CACNA2D4: variants seen among roughly 807,000 people sequenced by gnomAD.
The protein encoded by CACNA2D4 is calcium voltage-gated channel auxiliary subunit alpha2delta 4.
CACNA2D4 carries 157 observed loss-of-function variants against 163.8 expected under a neutral mutation model. The observed-to-expected ratio is 0.96, with a 90% CI of 0.84 to 1.09. The LOEUF is 1.09. Ranked by LOEUF, CACNA2D4 falls within the 50% of genes least tolerant of loss-of-function variation. The pLI, the probability that CACNA2D4 is intolerant of heterozygous loss-of-function variation, is 0.00. For synonymous variants in CACNA2D4, 598 were observed against 586.9 expected (o/e 1.02, Z -0.27); for missense variants, 1,410 against 1,479.9 (o/e 0.95, Z 0.78).
chr12:1,823,428 C>T (rs746647679), intron 26 of CACNA2D4, among the ~76,000 whole-genome samples: 7 of 152,104 alleles, frequency 4.6e-5, no homozygotes, highest in Non-Finnish European at 8.8e-5. Flanking sequence ...GCGGCTGTTC[C>T]GTGCTCTGAG....
intron 26 of CACNA2D4, chr12:1,831,329 G>A (rs369887294): frequency 6.2e-7 from 1 of 1,613,700 alleles, no homozygotes; most frequent in African/African-American, 1.3e-5. Context: ...GCCTGGCCCA[G>A]TTGCCCCCTG....
At position 1,834,909 on chromosome 12, in the gene CACNA2D4, T is replaced by C; in HGVS notation, c.2551+5830A>G. 1 of 1,097,840 alleles carries C rather than the reference T, an allele frequency of 9.1e-7. No homozygotes were observed. The highest frequency in any genetic ancestry group is 1.3e-6 in the Non-Finnish European group (1 of 796,724). 68.0% of individuals were successfully genotyped at this position (1,097,840 alleles called of 1,614,324 possible). On this transcript the variant is annotated intron_variant, in intron 26 of 37. Transcript: ENST00000382722. The surrounding 1 kb of genome is among the most constrained non-coding windows in gnomAD (Gnocchi z 7.6). ...CGAGGCTCCCTGAAAGCCACCGTGC[T>C]GGGGGCTCCTGCTGATGCTCCTGTC...
intron 6 of CACNA2D4, among the ~76,000 whole-genome samples, chr12:1,899,741 A>G (rs1189864542): frequency 6.6e-6 from 1 of 152,166 alleles, no homozygotes; most frequent in African/African-American, 2.4e-5. Flanking sequence ...ACTTCCAAAA[A>G]CCAGAAAAAG....
chr12:1,913,397 G>A (rs571484431), intron 2 of CACNA2D4, among the ~76,000 whole-genome samples: 1 of 152,296 alleles, frequency 6.6e-6, no homozygotes, highest in East Asian at 1.9e-4. Flanking sequence ...GGAGTAGACC[G>A]AGGCTCAGAG....
chr12:1,831,044 C>T (rs767994608), intron 26 of CACNA2D4: 5 of 1,614,128 alleles, frequency 3.1e-6, no homozygotes, highest in African/African-American at 1.3e-5. Context: ...GCCTTGGCCT[C>T]ACCACGGTGC....
At position 1,806,920 on chromosome 12, in the gene CACNA2D4, G is replaced by T. The variant is rs1404277543; in HGVS notation, c.2721+3358C>A. 6.6e-6 allele frequency among the ~76,000 whole-genome samples: 1 copy of T among 152,076 alleles called. No individual in the cohort carries two copies. The highest frequency in any genetic ancestry group is 2.4e-5 in the African/African-American group (1 of 41,424). On this transcript the variant is annotated intron_variant, in intron 29 of 37. Coordinates refer to ENST00000382722, the MANE Select transcript of CACNA2D4 (RefSeq NM_172364.5). This position sits in a 1 kb window ranked among gnomAD's most constrained non-coding sequence, Gnocchi z 4.1. The stretch of plus-strand genomic sequence containing the variant: ...AGGCCAGGCCCTGTGGCCCTCGATG[G>T]CACTTGTGTGTTTGGGGAAGAGGGG...
intron 37 of CACNA2D4, among the ~76,000 whole-genome samples, chr12:1,794,551 T>C (rs1045645225): frequency 6.6e-6 from 1 of 152,124 alleles, no homozygotes; most frequent in Non-Finnish European, 1.5e-5. Context: ...GCTGTAAATC[T>C]AGGGTTCCCA....
At chr12:1,841,424 C>T (rs1865022999) in intron 25 of CACNA2D4, among the ~76,000 whole-genome samples, 1 of 152,246 alleles carries the variant, frequency 6.6e-6, no homozygotes, top group Non-Finnish European at 1.5e-5. Flanking sequence ...TCCTGAAGGC[C>T]ACAGGGCTTG....
At chr12:1,862,561 C>T (rs560851933) in intron 18 of CACNA2D4, among the ~76,000 whole-genome samples, 1 of 152,156 alleles carries the variant, frequency 6.6e-6, no homozygotes, top group Non-Finnish European at 1.5e-5. Context: ...CACAGGCACA[C>T]ACCACCATGC....
chr12:1,917,342 A>G lies in CACNA2D4; in HGVS notation c.227+905T>C, dbSNP rs1328425134. 6.6e-6 allele frequency among the ~76,000 whole-genome samples: 1 copy of G among 152,330 alleles called. No homozygotes were observed. The highest frequency in any genetic ancestry group is 1.9e-4 in the East Asian group (1 of 5,180). On this transcript the variant is annotated intron_variant, in intron 1 of 37. Coordinates refer to ENST00000382722, the MANE Select transcript of CACNA2D4 (RefSeq NM_172364.5). The surrounding 1 kb of genome is among the most constrained non-coding windows in gnomAD (Gnocchi z 4.3). ...GCTCGATGGGAAACGATGCTGCCTA[A>G]TCCACTGGTCAGCAAAGGCTAAGCA...
rs952922402 is a variant in CACNA2D4, at chr12:1,806,726, A to C, written c.2721+3552T>G. Among the ~76,000 whole-genome samples, 4 of 152,160 alleles carry C rather than the reference A, an allele frequency of 2.6e-5. No homozygotes were observed. Among genetic ancestry groups the C allele is most frequent in the African/African-American group, 9.7e-5 (4 of 41,440 alleles). The stretch of plus-strand genomic sequence containing the variant: ...AGTCACCTGGAGGGCCCCTTTGAGC[A>C]GACTGCCAGACCCCAACCCCAGAGT... On this transcript the variant is annotated intron_variant, in intron 29 of 37. Coordinates refer to ENST00000382722, the MANE Select transcript of CACNA2D4 (RefSeq NM_172364.5). The surrounding 1 kb of genome is among the most constrained non-coding windows in gnomAD (Gnocchi z 4.1).
At chr12:1,850,584 A>G in intron 23 of CACNA2D4, among the ~76,000 whole-genome samples, 1 of 152,108 alleles carries the variant, frequency 6.6e-6, no homozygotes, top group East Asian at 1.9e-4. Context: ...TCTGCCATAG[A>G]AACATATTTT....
intron 26 of CACNA2D4, among the ~76,000 whole-genome samples, chr12:1,831,741 C>G (rs549399512): frequency 5.9e-4 from 89 of 151,626 alleles, no homozygotes; most frequent in African/African-American, 2.1e-3. Flanking sequence ...TGGTGCTGCT[C>G]CCTCCACCCC....
At chr12:1,824,767 A>G (rs1864247494) in intron 26 of CACNA2D4, among the ~76,000 whole-genome samples, 1 of 152,162 alleles carries the variant, frequency 6.6e-6, no homozygotes, top group Non-Finnish European at 1.5e-5. Flanking sequence ...GGGGGTGGGA[A>G]GGGTCCTTTG....
At position 1,828,591 on chromosome 12, in the gene CACNA2D4, C is replaced by A. The variant is rs1864469702; in HGVS notation, c.2551+12148G>T. On this transcript the variant is annotated intron_variant, in intron 26 of 37. Transcript: ENST00000382722. This position sits in a 1 kb window ranked among gnomAD's most constrained non-coding sequence, Gnocchi z 4.2. Reference sequence around the variant, plus strand: ...TGCCTGAGCTTGTCGGCCTGTGTCACAGACTGCGGCGAGCCCTTTTGCTCC... The same window carrying A: ...TGCCTGAGCTTGTCGGCCTGTGTCAAAGACTGCGGCGAGCCCTTTTGCTCC... Among the ~76,000 whole-genome samples, 1 of 152,224 alleles carries A rather than the reference C, an allele frequency of 6.6e-6. No homozygotes were observed. Among genetic ancestry groups the A allele is most frequent in the Admixed American group, 6.5e-5 (1 of 15,290 alleles).
chr12:1,885,103 C>T lies in CACNA2D4; in HGVS notation c.1069-27G>A, dbSNP rs1029516208. On this transcript the variant is annotated intron_variant, in intron 9 of 37. Coordinates refer to ENST00000382722, the MANE Select transcript of CACNA2D4 (RefSeq NM_172364.5). ...TGCCATGGGTGAGATATTAGAGAAGCATCAGGGGGTTGAGTGGGCCAGTGG... is the reference window on the plus strand; with the variant it reads ...TGCCATGGGTGAGATATTAGAGAAGTATCAGGGGGTTGAGTGGGCCAGTGG... 5 of 1,595,106 alleles carry T rather than the reference C, an allele frequency of 3.1e-6. No homozygotes were observed. The East Asian group carries it at 6.7e-5, about 21-fold the overall frequency.
intron 2 of CACNA2D4, among the ~76,000 whole-genome samples, chr12:1,914,028 T>C (rs1866898870): frequency 6.6e-6 from 1 of 152,210 alleles, no homozygotes; most frequent in African/African-American, 2.4e-5. Context: ...ATCGCTACAG[T>C]GGCCTGTGGG....
rs77773567 is a variant in CACNA2D4, at chr12:1,819,824, C to T, written c.2552-8101G>A. ...CCAAGCTCGTCCCTGGCACTGAGAA[C>T]GGTCTGCAGGCTGCTGCTGCAGGCT... On this transcript the variant is annotated intron_variant, in intron 26 of 37. Coordinates refer to ENST00000382722, the MANE Select transcript of CACNA2D4 (RefSeq NM_172364.5). 2.1e-3 allele frequency among the ~76,000 whole-genome samples: 324 copies of T among 152,304 alleles called. 1 individual carries two copies. The highest frequency in any genetic ancestry group is 7.4e-3 in the African/African-American group (308 of 41,548).
In CACNA2D4 at chr12:1,828,817, A is replaced by G. The variant is rs1424703478; in HGVS notation, c.2551+11922T>C. Among the ~76,000 whole-genome samples the G allele has an allele frequency of 3.3e-5, 5 of 152,188 alleles. No homozygotes were observed. Among genetic ancestry groups the G allele is most frequent in the African/African-American group, 1.2e-4 (5 of 41,450 alleles). ...CAGACTGAGCCGTCCATTTACCAAAAAGGGGAGGAAGCGTGAATGAAGGCA... is the reference window on the plus strand; with the variant it reads ...CAGACTGAGCCGTCCATTTACCAAAGAGGGGAGGAAGCGTGAATGAAGGCA... On this transcript the variant is annotated intron_variant, in intron 26 of 37. Transcript: ENST00000382722. The surrounding 1 kb of genome is among the most constrained non-coding windows in gnomAD (Gnocchi z 4.2).
Sources: gnomAD v4.1 joint callset for allele counts (sites outside exome capture counted in the v4.1 genomes callset) on GRCh38, gnomAD v4.1.1 for gene constraint, Gnocchi (gnomAD v3.1) non-coding constraint, MANE v1.5 for transcripts, NCBI Gene and HGNC (gene_info 2026-07-23, HGNC 2026-07-21) for gene names.